RAB18: variants seen among roughly 807,000 people sequenced by gnomAD.
RAB18 encodes ras-related protein Rab-18.
A neutral mutation model predicts 28.5 loss-of-function variants in RAB18; 10 were observed. That is an observed-to-expected ratio of 0.35 (90% CI 0.22 to 0.60). The LOEUF (loss-of-function observed/expected upper bound fraction) is 0.60, where lower values mean the gene tolerates loss of function less well. Ranked by LOEUF, RAB18 falls within the 20% of genes least tolerant of loss-of-function variation. The pLI, the probability that RAB18 is intolerant of heterozygous loss-of-function variation, is 0.78. For missense variants in RAB18, 188 were observed against 244.2 expected (o/e 0.77, Z 1.53); for synonymous variants, 93 against 86.9 (o/e 1.07, Z -0.39).
chr10:27,507,868 C>A (rs1837884589), intron 1 of RAB18, among the ~76,000 whole-genome samples: 1 of 151,330 alleles, frequency 6.6e-6, no homozygotes, highest in Non-Finnish European at 1.5e-5. Flanking sequence ...CGAGACCATG[C>A]CTCTAAAAAA....
Position 27,537,991 on chromosome 10 carries a change from G to GTC in RAB18, c.562_563dup (p.Arg190ThrfsTer32). Reference sequence around the variant, plus strand: ...AGAACCAGAATAAAGGAGTCAAACTGTCACACAGGGAAGAAGGCCAAGGAG... The same window carrying GTC: ...AGAACCAGAATAAAGGAGTCAAACTGTCTCACACAGGGAAGAAGGCCAAGGAG... On this transcript the variant is annotated frameshift_variant, in exon 7 of 7. Transcript: ENST00000356940. LOFTEE classifies it high-confidence loss of function. The GTC allele has an allele frequency of 6.2e-7, 1 of 1,614,122 alleles. No homozygotes were observed. Among genetic ancestry groups the GTC allele is most frequent in the Non-Finnish European group, 8.5e-7 (1 of 1,179,986 alleles).
At chr10:27,508,094 G>T (rs985191635) in intron 1 of RAB18, among the ~76,000 whole-genome samples, 5 of 151,256 alleles carry the variant, frequency 3.3e-5, no homozygotes, top group African/African-American at 7.3e-5. Flanking sequence ...ATAGAGAAAT[G>T]GACTCTCTGT....
At position 27,536,245 on chromosome 10, in the gene RAB18, A is replaced by G. The variant is rs538460995; in HGVS notation, c.446-1631A>G. On this transcript the variant is annotated intron_variant, in intron 6 of 6. Coordinates refer to ENST00000356940, the MANE Select transcript of RAB18 (RefSeq NM_021252.5). Reference sequence around the variant, plus strand: ...TTTCACTTTGACATAAGAATGAGACATTTTTCCGATAACCGGTGGACATGG... The same window carrying G: ...TTTCACTTTGACATAAGAATGAGACGTTTTTCCGATAACCGGTGGACATGG... Among the ~76,000 whole-genome samples the G allele has an allele frequency of 1.1e-4, 16 of 152,200 alleles. 1 individual carries two copies. The South Asian group carries it at 2.5e-3, about 24-fold the overall frequency.
intron 2 of RAB18, among the ~76,000 whole-genome samples, chr10:27,517,508 C>T (rs1170926398): frequency 6.6e-6 from 1 of 152,160 alleles, no homozygotes; most frequent in Non-Finnish European, 1.5e-5. Flanking sequence ...AAAGACCTCA[C>T]TACTTTAAAA....
intron 2 of RAB18, among the ~76,000 whole-genome samples, chr10:27,511,558 G>T (rs1438377441): frequency 6.6e-6 from 1 of 152,062 alleles, no homozygotes; most frequent in Non-Finnish European, 1.5e-5. Context: ...CCTTTTCAGG[G>T]CCTTGACATT....
chr10:27,525,617 G>T (rs748230488), intron 2 of RAB18, among the ~76,000 whole-genome samples: 1 of 152,154 alleles, frequency 6.6e-6, no homozygotes, highest in Non-Finnish European at 1.5e-5. Context: ...GTTGGGCTAT[G>T]TAATCAACAC....
chr10:27,512,711 T>C (rs1834347838), intron 2 of RAB18, among the ~76,000 whole-genome samples: 1 of 152,114 alleles, frequency 6.6e-6, no homozygotes, highest in Admixed American at 6.5e-5. Context: ...AGGAGAGCAG[T>C]AGCAACTGGC....
At position 27,504,441 on chromosome 10, in the gene RAB18, A is replaced by T; in HGVS notation, c.68+4A>T. ...AGAGTGGGGTGGGCAAGTCCAGGTG[A>T]GGCGGAGGTGCGGGTCGTGACGAGG... On this transcript the variant is annotated splice_donor_region_variant and intron_variant, in intron 1 of 6. Coordinates refer to ENST00000356940, the MANE Select transcript of RAB18 (RefSeq NM_021252.5). 6.4e-7 allele frequency: 1 copy of T among 1,562,724 alleles called. No individual in the cohort carries two copies. The highest frequency in any genetic ancestry group is 8.7e-7 in the Non-Finnish European group (1 of 1,152,772).
At chr10:27,519,994 GA>G (rs1834513933) in intron 2 of RAB18, among the ~76,000 whole-genome samples, 1 of 152,168 alleles carries the variant, frequency 6.6e-6, no homozygotes, top group African/African-American at 2.4e-5. Context: ...GTTTTATCAT[GA>G]AAGGGAATTG....
At chr10:27,533,678 A>G in intron 4 of RAB18, 57 bp from the exon 5 acceptor site, 1 of 1,574,684 alleles carries the variant, frequency 6.4e-7, no homozygotes, top group Admixed American at 1.7e-5. Context: ...CATATCAGAA[A>G]TACGCCATTG....
chr10:27,531,503 A>C, intron 3 of RAB18: 1 of 1,542,856 alleles, frequency 6.5e-7, no homozygotes. Context: ...GGTTTGATAC[A>C]TGTTTTTACT....
chr10:27,518,883 T>A (rs1834490782), intron 2 of RAB18, among the ~76,000 whole-genome samples: 2 of 152,086 alleles, frequency 1.3e-5, no homozygotes, highest in Admixed American at 6.5e-5. Flanking sequence ...TCCAGAAGTC[T>A]TATAGTTTAT....
At chr10:27,518,504 C>G (rs1001750595) in intron 2 of RAB18, among the ~76,000 whole-genome samples, 2 of 152,100 alleles carry the variant, frequency 1.3e-5, no homozygotes, top group Admixed American at 1.3e-4. Flanking sequence ...TTGCTAATGA[C>G]TAATGAGGTT....
At chr10:27,519,041 C>G (rs1032088778) in intron 2 of RAB18, among the ~76,000 whole-genome samples, 10 of 151,806 alleles carry the variant, frequency 6.6e-5, no homozygotes, top group Non-Finnish European at 1.5e-4. Context: ...ATTGCTTTTG[C>G]ACTTTTGAAA....
chr10:27,512,040 T>C (rs553179332), intron 2 of RAB18, among the ~76,000 whole-genome samples: 5 of 151,900 alleles, frequency 3.3e-5, no homozygotes, highest in Non-Finnish European at 5.9e-5. Flanking sequence ...TCCTCCTGCC[T>C]CAGCCTCCCA....
chr10:27,534,145 G>C (rs138403807), intron 6 of RAB18, 151 bp downstream of exon 6: 2 of 722,160 alleles, frequency 2.8e-6, no homozygotes, highest in African/African-American at 3.6e-5. Flanking sequence ...TATATAACAA[G>C]GTTCTTTATT....
intron 3 of RAB18, among the ~76,000 whole-genome samples, chr10:27,527,980 T>C (rs1316240079): frequency 2.6e-5 from 4 of 152,136 alleles, no homozygotes; most frequent in African/African-American, 9.6e-5. Context: ...ATCAGAACGG[T>C]AATGTCTAAC....
chr10:27,541,249 G>A lies in RAB18; in HGVS notation c.*3198G>A. 2.2e-6 allele frequency: 1 copy of A among 453,694 alleles called. No individual in the cohort carries two copies. Among genetic ancestry groups the A allele is most frequent in the South Asian group, 1.6e-5 (1 of 64,460 alleles). The allele number at this position is 453,694 out of a possible 1,614,324, so 28.1% of individuals were successfully genotyped here. Reference sequence around the variant, plus strand: ...ACTCAACTATATAGACTTCACCCTGGGTTTTGCCTAAACTGTTGAAAGACG... The same window carrying A: ...ACTCAACTATATAGACTTCACCCTGAGTTTTGCCTAAACTGTTGAAAGACG... On this transcript the variant is annotated 3_prime_UTR_variant, in exon 7 of 7. Transcript: ENST00000356940.
chr10:27,531,628 G>A (rs1183435464), intron 3 of RAB18: 1 of 787,416 alleles, frequency 1.3e-6, no homozygotes, highest in South Asian at 1.5e-5. Context: ...AAGCAAATAG[G>A]CCTGCTGTGT....
Sources: allele counts gnomAD v4.1 joint callset (sites outside exome capture counted in the v4.1 genomes callset), GRCh38; gene constraint gnomAD v4.1.1; transcripts MANE v1.5; gene names NCBI Gene and HGNC (gene_info 2026-07-23, HGNC 2026-07-21).